The following PLCXD2 variants were observed in gnomAD, a reference collection of about 807,000 sequenced individuals.
PLCXD2 encodes phosphatidylinositol specific phospholipase C X domain containing 2, also known as PI-PLC X domain-containing protein 2.
In PLCXD2, 21 loss-of-function variants were observed where a neutral mutation model predicts 28.6. The observed-to-expected ratio is 0.73, with a 90% CI of 0.52 to 1.06. The LOEUF is 1.06. Ranked by LOEUF, PLCXD2 falls within the 50% of genes least tolerant of loss-of-function variation. The probability of loss-of-function intolerance (pLI) is 0.00; values close to 1 mark genes in which losing one functional copy is unlikely to be tolerated. For synonymous variants in PLCXD2, 140 were observed against 150.1 expected (o/e 0.93, Z 0.49); for missense variants, 369 against 376.7 (o/e 0.98, Z 0.17).
At chr3:111,677,285 C>T (rs1391548166) in intron 1 of PLCXD2, 1 of 152,180 alleles carries the variant, frequency 6.6e-6, no homozygotes, top group African/African-American at 2.4e-5. Flanking sequence ...TAAATGCTAG[C>T]CATTCATGGA....
intron 1 of PLCXD2, among the ~76,000 whole-genome samples, chr3:111,680,134 G>A (rs1940690216): frequency 6.6e-6 from 1 of 152,074 alleles, no homozygotes. Context: ...AGTACTTAGT[G>A]ATTTCTATAG....
At chr3:111,709,092 G>GA (rs1277646549) in intron 2 of PLCXD2, among the ~76,000 whole-genome samples, 13 of 115,104 alleles carry the variant, frequency 1.1e-4, no homozygotes, top group Middle Eastern at 5.3e-3. Flanking sequence ...ACACTCTCTG[G>GA]AAAAAAAAAA....
At chr3:111,726,805 A>C (rs575372605) in intron 3 of PLCXD2, 1 of 152,204 alleles carries the variant, frequency 6.6e-6, no homozygotes, top group Non-Finnish European at 1.5e-5. Flanking sequence ...AGTGAAAAAA[A>C]ATATGATGAC....
chr3:111,679,869 A>G lies in PLCXD2; in HGVS notation c.163+4461A>G, dbSNP rs142673348. ...TCCTGCCTTCCTTCTTCCCTTGTCA[A>G]ATTAGAGCTTTTCATCTTTGCTGCC... On this transcript the variant is annotated intron_variant, in intron 1 of 4. Coordinates refer to ENST00000477665, the MANE Select transcript of PLCXD2 (RefSeq NM_001185106.1). 1.7e-3 allele frequency among the ~76,000 whole-genome samples: 257 copies of G among 152,144 alleles called. 2 individuals carry two copies. The highest frequency in any genetic ancestry group is 2.3e-3 in the Non-Finnish European group (156 of 67,996).
Position 111,714,146 on chromosome 3 carries a change from C to T in PLCXD2, c.866+18C>T. 6.2e-7 allele frequency: 1 copy of T among 1,608,326 alleles called. No individual in the cohort carries two copies. The highest frequency in any genetic ancestry group is 2.2e-5 in the East Asian group (1 of 44,770). ...GTTCATAGGTAAGAATTTGCTTCCACCCCACAAGGAAAGCTTTTTAAAAAA... is the reference window on the plus strand; with the variant it reads ...GTTCATAGGTAAGAATTTGCTTCCATCCCACAAGGAAAGCTTTTTAAAAAA... On this transcript the variant is annotated intron_variant, in intron 3 of 4. Coordinates refer to ENST00000477665, the MANE Select transcript of PLCXD2 (RefSeq NM_001185106.1).
At chr3:111,720,190 T>C (rs2107875084) in intron 3 of PLCXD2, among the ~76,000 whole-genome samples, 1 of 152,314 alleles carries the variant, frequency 6.6e-6, no homozygotes, top group Admixed American at 6.5e-5. Flanking sequence ...CTGAGGCTCT[T>C]GGTCTTAGTT....
chr3:111,709,797 G>A (rs1006574335), intron 2 of PLCXD2, among the ~76,000 whole-genome samples: 5 of 152,172 alleles, frequency 3.3e-5, no homozygotes, highest in Non-Finnish European at 7.4e-5. Context: ...GAGGCGACTG[G>A]TGATCATGTG....
At chr3:111,709,667 G>A (rs1222182492) in intron 2 of PLCXD2, among the ~76,000 whole-genome samples, 2 of 152,222 alleles carry the variant, frequency 1.3e-5, no homozygotes, top group Admixed American at 1.3e-4. Context: ...TTATTTGGGG[G>A]CAGAAGAAGC....
At chr3:111,700,250 G>A (rs1434215774) in intron 1 of PLCXD2, among the ~76,000 whole-genome samples, 2 of 152,068 alleles carry the variant, frequency 1.3e-5, no homozygotes, top group Non-Finnish European at 2.9e-5. Context: ...ACATGATTCA[G>A]GATTTTTGTA....
intron 1 of PLCXD2, among the ~76,000 whole-genome samples, chr3:111,695,543 A>G (rs748741078): frequency 6.6e-6 from 1 of 152,270 alleles, no homozygotes. Flanking sequence ...TGAAACTGCA[A>G]CAGGCATGCT....
chr3:111,686,312 T>G (rs1940794528), intron 1 of PLCXD2, among the ~76,000 whole-genome samples: 1 of 152,158 alleles, frequency 6.6e-6, no homozygotes, highest in South Asian at 2.1e-4. Context: ...TCTCAGCACA[T>G]AAAAAAGAAT....
intron 3 of PLCXD2, chr3:111,726,575 A>T (rs979774468): frequency 7.9e-5 from 12 of 152,210 alleles, no homozygotes; most frequent in African/African-American, 2.9e-4. Context: ...ATAATAAAGT[A>T]TACCAATTTT....
chr3:111,692,965 C>T (rs6796920), intron 1 of PLCXD2, among the ~76,000 whole-genome samples: 8,685 of 152,130 alleles, frequency 0.057, 467 homozygotes, highest in African/African-American at 0.14. Flanking sequence ...CTGTATCTTC[C>T]ACCAGCTTAT....
intron 2 of PLCXD2, among the ~76,000 whole-genome samples, chr3:111,709,899 A>T (rs149697862): frequency 6.6e-6 from 1 of 152,230 alleles, no homozygotes. Flanking sequence ...TTAGGTCTTA[A>T]TAAGATCTCT....
intron 1 of PLCXD2, among the ~76,000 whole-genome samples, chr3:111,680,871 T>C (rs1320312692): frequency 6.6e-6 from 1 of 152,222 alleles, no homozygotes; most frequent in African/African-American, 2.4e-5. Context: ...TTTCTTAGTG[T>C]GAGAAATAAA....
chr3:111,698,270 C>T (rs1222654675), intron 1 of PLCXD2, among the ~76,000 whole-genome samples: 1 of 152,220 alleles, frequency 6.6e-6, no homozygotes, highest in African/African-American at 2.4e-5. Flanking sequence ...GTTAGTACTG[C>T]TGTTGTCCAC....
At chr3:111,695,829 C>T (rs1360683772) in intron 1 of PLCXD2, among the ~76,000 whole-genome samples, 3 of 152,158 alleles carry the variant, frequency 2.0e-5, no homozygotes, top group Non-Finnish European at 2.9e-5. Flanking sequence ...TCATCACGCT[C>T]CTCAGAATGG....
chr3:111,718,444 G>T (rs1941300808), intron 3 of PLCXD2, among the ~76,000 whole-genome samples: 1 of 151,836 alleles, frequency 6.6e-6, no homozygotes, highest in Non-Finnish European at 1.5e-5. Context: ...CAGCCTGGGG[G>T]ACAGAGGAAG....
chr3:111,705,108 C>A (rs1327145674), intron 1 of PLCXD2, among the ~76,000 whole-genome samples: 1 of 152,166 alleles, frequency 6.6e-6, no homozygotes, highest in African/African-American at 2.4e-5. Context: ...TGAGCCACCA[C>A]GCCTGGTCCT....
Sources: allele counts gnomAD v4.1 joint callset (sites outside exome capture counted in the v4.1 genomes callset), GRCh38; gene constraint gnomAD v4.1.1; transcripts MANE v1.5; gene names NCBI Gene and HGNC (gene_info 2026-07-23, HGNC 2026-07-21).